Variants in DLX1 observed in about 807,000 individuals in gnomAD.
The protein encoded by DLX1 is homeobox protein DLX-1.
Under a neutral mutation model 25.0 loss-of-function variants are expected in DLX1, and 7 were observed. The observed-to-expected ratio is 0.28, with a 90% confidence interval of 0.16 to 0.52. The LOEUF (loss-of-function observed/expected upper bound fraction) is 0.52, where lower values mean the gene tolerates loss of function less well. Ranked by LOEUF, DLX1 falls within the 20% of genes least tolerant of loss-of-function variation. The pLI, the probability that DLX1 is intolerant of heterozygous loss-of-function variation, is 0.96. For synonymous variants in DLX1, 155 were observed against 140.3 expected (o/e 1.10, Z -0.74); for missense variants, 233 against 334.4 (o/e 0.70, Z 2.37).
chr2:172,088,477 G>T lies in DLX1; in HGVS notation c.*220G>T, dbSNP rs1690907178. ...CTGGGCCGAGCAGTGGCAGCAGAGA[G>T]TGGCCTCGGAGGGAAGCCACTGCCA... On this transcript the variant is annotated 3_prime_UTR_variant, in exon 3 of 3. Coordinates refer to ENST00000361725, the MANE Select transcript of DLX1 (RefSeq NM_178120.5). 2.0e-6 allele frequency: 1 copy of T among 505,132 alleles called. No individual in the cohort carries two copies. The highest frequency in any genetic ancestry group is 3.1e-6 in the Non-Finnish European group (1 of 323,650). The allele number at this position is 505,132 out of a possible 1,614,324, so 31.3% of individuals were successfully genotyped here. A position where few individuals can be genotyped will look rare whatever the true frequency, so the allele number is the denominator to read the frequency against.
chr2:172,088,343 C>T lies in DLX1; in HGVS notation c.*86C>T. On this transcript the variant is annotated 3_prime_UTR_variant, in exon 3 of 3. Coordinates refer to ENST00000361725, the MANE Select transcript of DLX1 (RefSeq NM_178120.5). ...TCCATCCCGTCCGGAAAAGAAGGAC[C>T]CAGAGGGAAGAAGGAACAGTGGAGG... The T allele has an allele frequency of 7.2e-7, 1 of 1,392,520 alleles. No individual in the cohort carries two copies. Among genetic ancestry groups the T allele is most frequent in the Non-Finnish European group, 9.4e-7 (1 of 1,064,440 alleles). The allele number at this position is 1,392,520 out of a possible 1,614,324, so 86.3% of individuals were successfully genotyped here. A position where few individuals can be genotyped will look rare whatever the true frequency, so the allele number is the denominator to read the frequency against.
At position 172,088,467 on chromosome 2, in the gene DLX1, G is replaced by A. The variant is rs1690907130; in HGVS notation, c.*210G>A. ...GAACCCTGGCCTGGGCCGAGCAGTG[G>A]CAGCAGAGAGTGGCCTCGGAGGGAA... On this transcript the variant is annotated 3_prime_UTR_variant, in exon 3 of 3. Coordinates refer to ENST00000361725, the MANE Select transcript of DLX1 (RefSeq NM_178120.5). 1.8e-6 allele frequency: 1 copy of A among 540,574 alleles called. No homozygotes were observed. Among genetic ancestry groups the A allele is most frequent in the Non-Finnish European group, 2.8e-6 (1 of 355,472 alleles). 33.5% of individuals were successfully genotyped at this position (540,574 alleles called of 1,614,324 possible). A position where few individuals can be genotyped will look rare whatever the true frequency, so the allele number is the denominator to read the frequency against.
chr2:172,088,158 G>A lies in DLX1; in HGVS notation c.669G>A (p.Gly223=), dbSNP rs752389190. ...PPGWNPNSSS[G]KGSGGNAGSY... The stretch of plus-strand genomic sequence containing the variant: ...GCTGGAACCCTAACTCTTCATCCGG[G>A]AAGGGCTCAGGAGGAAACGCGGGCT... The change falls in exon 3 of 3, where the codon GGG becomes GGA. Residue 223 remains glycine (G), a synonymous_variant. Transcript: ENST00000361725. 103 of 1,610,740 alleles carry A rather than the reference G, an allele frequency of 6.4e-5. No individual in the cohort carries two copies. The highest frequency in any genetic ancestry group is 7.6e-5 in the Non-Finnish European group (89 of 1,178,372).
chr2:172,085,694 T>C lies in DLX1; in HGVS notation c.17T>C (p.Met6Thr). 1 of 1,613,754 alleles carries C rather than the reference T, an allele frequency of 6.2e-7. No individual in the cohort carries two copies. Among genetic ancestry groups the C allele is most frequent in the Non-Finnish European group, 8.5e-7 (1 of 1,179,824 alleles). Reference sequence around the variant, plus strand: ...CGAGAAGAGATGACCATGACCACCATGCCAGAAAGTCTCAACAGCCCCGTG... The same window carrying C: ...CGAGAAGAGATGACCATGACCACCACGCCAGAAAGTCTCAACAGCCCCGTG... MTMTT[M>T]PESLNSPVSG... is the part of the protein sequence containing the mutation. Residue 6 changes from methionine to threonine, a missense_variant, in exon 1 of 3, where the codon ATG becomes ACG. Around this residue, in one of 3 missense-constraint regions of DLX1, gnomAD observed 126 missense variants for 170.4 expected, o/e 0.74. Transcript: ENST00000361725. The surrounding 1 kb of genome is among the most constrained non-coding windows in gnomAD (Gnocchi z 4.3).
chr2:172,086,538 A>G, intron 1 of DLX1, 116 bp from the exon 2 acceptor site: 1 of 1,038,074 alleles, frequency 9.6e-7, no homozygotes, highest in Non-Finnish European at 1.4e-6. Context: ...AGTTTCTTGA[A>G]CGTTCTCTCC....
Position 172,086,806 on chromosome 2 carries a change from C to A in DLX1, c.466C>A (p.Pro156Thr). ...RFQQTQYLAL[P>T]ERAELAASLG... ...CCAGCAAACTCAGTACCTAGCTCTG[C>A]CGGAGAGGGCGGAGCTCGCGGCCTC... The change falls in exon 2 of 3, where the codon CCG becomes ACG. Residue 156 changes from proline (P) to threonine (T), a missense_variant. By Grantham distance (38) the Pro-to-Thr change is conservative (BLOSUM62 -1). Around this residue, in one of 3 missense-constraint regions of DLX1, gnomAD observed 23 missense variants for 82.2 expected, o/e 0.28. Coordinates refer to ENST00000361725, the MANE Select transcript of DLX1 (RefSeq NM_178120.5). 1 of 1,614,266 alleles carries A rather than the reference C, an allele frequency of 6.2e-7. No homozygotes were observed. The highest frequency in any genetic ancestry group is 8.5e-7 in the Non-Finnish European group (1 of 1,180,052).
chr2:172,088,901 G>A lies in DLX1; in HGVS notation c.*644G>A, dbSNP rs986758459. ...GTTTGCCAATTCAGGGTTCTGCTGG[G>A]CGCAAGGAACGCACTGTTCAAACGC... On this transcript the variant is annotated 3_prime_UTR_variant, in exon 3 of 3. Coordinates refer to ENST00000361725, the MANE Select transcript of DLX1 (RefSeq NM_178120.5). 6.6e-6 allele frequency: 1 copy of A among 152,242 alleles called. No homozygotes were observed. The highest frequency in any genetic ancestry group is 2.4e-5 in the African/African-American group (1 of 41,448). The allele number at this position is 152,242 out of a possible 1,614,324, so 9.4% of individuals were successfully genotyped here.
intron 1 of DLX1, chr2:172,086,368 A>G (rs1690839252): frequency 4.2e-6 from 2 of 477,328 alleles, no homozygotes; most frequent in East Asian, 3.3e-5. Flanking sequence ...GCTATAAACA[A>G]TGTATGCAAT....
chr2:172,086,884 C>A (rs770064593), intron 2 of DLX1, 31 bp downstream of exon 2: 18 of 1,612,496 alleles, frequency 1.1e-5, no homozygotes, highest in Non-Finnish European at 1.4e-5. Context: ...CGTTCTGCCA[C>A]GCAGGCTTTC....
Position 172,089,168 on chromosome 2 carries a change from T to C in DLX1, c.*911T>C, listed in dbSNP as rs1432616322. The stretch of plus-strand genomic sequence containing the variant: ...TTCGCCTGGACAAGAAGGAAAATGC[T>C]GATTTCCTCCTTGGGTAGAAAGAGG... On this transcript the variant is annotated 3_prime_UTR_variant, in exon 3 of 3. Coordinates refer to ENST00000361725, the MANE Select transcript of DLX1 (RefSeq NM_178120.5). 2 of 152,334 alleles carry C rather than the reference T, an allele frequency of 1.3e-5. No homozygotes were observed. Among genetic ancestry groups the C allele is most frequent in the Admixed American group, 6.5e-5 (1 of 15,308 alleles). The allele number at this position is 152,334 out of a possible 1,614,324, so 9.4% of individuals were successfully genotyped here. A position where few individuals can be genotyped will look rare whatever the true frequency, so the allele number is the denominator to read the frequency against.
At chr2:172,086,962 T>C in intron 2 of DLX1, 109 bp downstream of exon 2, 1 of 1,105,254 alleles carries the variant, frequency 9.0e-7, no homozygotes. Flanking sequence ...TGTCACTGTG[T>C]GTATGTGTTT....
intron 1 of DLX1, chr2:172,086,422 CTT>C: frequency 6.1e-6 from 3 of 491,146 alleles, no homozygotes; most frequent in Non-Finnish European, 1.1e-5. Context: ...AAATAGCAAA[CTT>C]TCCCTGCAAA....
chr2:172,086,657 C>T lies in DLX1; in HGVS notation c.317C>T (p.Ala106Val). The T allele has an allele frequency of 6.5e-7, 1 of 1,530,448 alleles. No homozygotes were observed. Among genetic ancestry groups the T allele is most frequent in the South Asian group, 1.3e-5 (1 of 77,192 alleles). 94.8% of individuals were successfully genotyped at this position (1,530,448 alleles called of 1,614,324 possible). Residue 106 changes from alanine (A) to valine (V), a missense_variant, in exon 2 of 3, where the codon GCG becomes GTG. By Grantham distance (64) the Ala-to-Val change is moderately conservative. Transcript: ENST00000361725. Reference protein sequence around the residue: ...LAQSRLEDPGADSEKSTVVEG... With the variant: ...LAQSRLEDPGVDSEKSTVVEG... ...CCTACTTCTGCTGTCCCTCCAGGGG[C>T]GGACTCGGAGAAGAGCACGGTGGTG...
chr2:172,086,053 C>G (rs543563570), intron 1 of DLX1, 63 bp downstream of exon 1: 2 of 1,109,712 alleles, frequency 1.8e-6, no homozygotes, highest in Admixed American at 3.0e-5. Context: ...AAAGAAGGAG[C>G]GGGGGAGAAG....
intron 2 of DLX1, chr2:172,087,542 A>G (rs74659040): frequency 0.022 from 10,079 of 461,110 alleles, 148 homozygotes; most frequent in Non-Finnish European, 0.033. Flanking sequence ...TCCCAACTCA[A>G]GGGCAGAAAA....
intron 1 of DLX1, 191 bp downstream of exon 1, chr2:172,086,181 A>C (rs1445040546): frequency 3.3e-6 from 2 of 611,278 alleles, no homozygotes. Flanking sequence ...CACAGCAAAT[A>C]AATTTTTTTA....
intron 2 of DLX1, chr2:172,087,282 G>A (rs892341821): frequency 1.1e-5 from 4 of 379,142 alleles, no homozygotes; most frequent in African/African-American, 6.3e-5. Context: ...GGTTGGGGGT[G>A]GGGGGAGATC....
At chr2:172,086,982 C>T in intron 2 of DLX1, 129 bp downstream of exon 2, 1 of 948,694 alleles carries the variant, frequency 1.1e-6, no homozygotes, top group Non-Finnish European at 1.7e-6. Context: ...TGTGTCCACC[C>T]CTGGCTCTCA....
At chr2:172,086,068 G>T (rs1231242979) in intron 1 of DLX1, 78 bp downstream of exon 1, 16 of 1,058,688 alleles carry the variant, frequency 1.5e-5, no homozygotes, top group Non-Finnish European at 1.8e-5. Context: ...GAGAAGAGGA[G>T]AGGGAGAGAG....
Sources: allele counts gnomAD v4.1 joint callset, GRCh38; gene constraint gnomAD v4.1.1; regional missense constraint gnomAD v4.1.1; non-coding constraint Gnocchi (gnomAD v3.1); transcripts MANE v1.5; gene names NCBI Gene and HGNC (gene_info 2026-07-23, HGNC 2026-07-21).